The following TNNI3K variants were observed in gnomAD, a reference collection of about 807,000 sequenced individuals.
TNNI3K encodes TNNI3 interacting kinase.
In TNNI3K, 140 loss-of-function variants were observed where a neutral mutation model predicts 114.5. The ratio of observed to expected loss-of-function variants is 1.22; its 90% CI spans 1.07 to 1.41. The LOEUF (loss-of-function observed/expected upper bound fraction) is 1.41. Ranked by LOEUF, TNNI3K falls within the 40% of genes most tolerant of loss-of-function variation. TNNI3K has a pLI of 0.00. For synonymous variants in TNNI3K, 347 were observed against 347.5 expected (o/e 1.00, Z 0.02); for missense variants, 1,125 against 1,007.6 (o/e 1.12, Z -1.58).
chr1:74,311,325 TCTAG>T (rs1035817169), intron 5 of TNNI3K, among the ~76,000 whole-genome samples: 3 of 152,132 alleles, frequency 2.0e-5, no homozygotes, highest in Admixed American at 2.0e-4. Flanking sequence ...CTTGTAGGCT[TCTAG>T]CTGTCAAGAA....
intron 11 of TNNI3K, among the ~76,000 whole-genome samples, chr1:74,355,201 CAT>C (rs1661587343): frequency 6.6e-6 from 1 of 152,120 alleles, no homozygotes; most frequent in Non-Finnish European, 1.5e-5. Context: ...TGTAAAGAAA[CAT>C]AGTTATCTTT....
At chr1:74,309,887 A>G (rs1658883805) in intron 5 of TNNI3K, among the ~76,000 whole-genome samples, 2 of 152,174 alleles carry the variant, frequency 1.3e-5, no homozygotes, top group Admixed American at 1.3e-4. Flanking sequence ...CATTTTCCCC[A>G]AGAACTAGTA....
intron 17 of TNNI3K, among the ~76,000 whole-genome samples, chr1:74,409,366 T>G (rs947653335): frequency 1.3e-5 from 2 of 152,174 alleles, no homozygotes; most frequent in African/African-American, 4.8e-5. Flanking sequence ...CTTGCTACCT[T>G]TTTTTGAGGT....
chr1:74,489,710 T>G (rs1289184606), intron 22 of TNNI3K, among the ~76,000 whole-genome samples: 1 of 152,176 alleles, frequency 6.6e-6, no homozygotes, highest in Non-Finnish European at 1.5e-5. Context: ...TTGCTTAATG[T>G]GATATATGTT....
chr1:74,452,661 A>G (rs1479980428), intron 20 of TNNI3K, among the ~76,000 whole-genome samples: 1 of 152,164 alleles, frequency 6.6e-6, no homozygotes, highest in South Asian at 2.1e-4. Context: ...TAAAAATGCA[A>G]ATTTGAACAT....
At chr1:74,406,425 G>T (rs867046593) in intron 17 of TNNI3K, among the ~76,000 whole-genome samples, 29 of 152,184 alleles carry the variant, frequency 1.9e-4, no homozygotes, top group Middle Eastern at 3.4e-3. Context: ...CCAAAAAATT[G>T]GGCACCCCTG....
chr1:74,376,763 A>T (rs962879283), intron 17 of TNNI3K: 1 of 151,958 alleles, frequency 6.6e-6, no homozygotes, highest in Admixed American at 6.6e-5. Flanking sequence ...CCAGCAGAGC[A>T]TAGAGCCTAA....
chr1:74,401,918 T>C (rs749250584), intron 17 of TNNI3K: 3 of 452,894 alleles, frequency 6.6e-6, no homozygotes, highest in South Asian at 1.6e-5. Context: ...CAGGGAAGAA[T>C]GCAATTTCAG....
intron 4 of TNNI3K, among the ~76,000 whole-genome samples, chr1:74,263,990 T>C (rs1655822436): frequency 1.3e-5 from 2 of 151,834 alleles, no homozygotes; most frequent in Admixed American, 1.3e-4. Context: ...CTCTATATTA[T>C]TAAATGAGAG....
chr1:74,324,324 G>A (rs993868631), intron 5 of TNNI3K, among the ~76,000 whole-genome samples: 2 of 152,202 alleles, frequency 1.3e-5, no homozygotes, highest in Non-Finnish European at 2.9e-5. Context: ...ATGTCAGTCA[G>A]GTGAGATACA....
At chr1:74,397,639 A>G (rs375757056) in intron 17 of TNNI3K, among the ~76,000 whole-genome samples, 6 of 152,238 alleles carry the variant, frequency 3.9e-5, no homozygotes, top group East Asian at 3.8e-4. Flanking sequence ...GCATCAAACC[A>G]TAACTGTTTA....
In TNNI3K at chr1:74,417,136, C is replaced by T. The variant is rs116119905; in HGVS notation, c.1773-18944C>T. On this transcript the variant is annotated intron_variant, in intron 17 of 24. Transcript: ENST00000326637. ...AGAAAAGATGAAAGAGAGAGAAATG[C>T]GTAATAATGGCATTTTGATTATTCA... Among the ~76,000 whole-genome samples the T allele has an allele frequency of 8.5e-3, 1,294 of 152,032 alleles. 21 individuals carry two copies. Among genetic ancestry groups the T allele is most frequent in the African/African-American group, 0.03 (1,231 of 41,480 alleles).
intron 4 of TNNI3K, among the ~76,000 whole-genome samples, chr1:74,255,337 G>C (rs921548907): frequency 7.6e-5 from 10 of 131,272 alleles, no homozygotes; most frequent in African/African-American, 2.6e-4. Context: ...CTGGGCGACA[G>C]AGCGAGACTC....
intron 23 of TNNI3K, among the ~76,000 whole-genome samples, chr1:74,504,406 CTT>C (rs1669785143): frequency 6.6e-6 from 1 of 152,148 alleles, no homozygotes; most frequent in Admixed American, 6.5e-5. Flanking sequence ...GGCTTGGAGA[CTT>C]CACGCCGAAC....
At chr1:74,480,302 G>A (rs1189886424) in intron 21 of TNNI3K, 2 of 717,636 alleles carry the variant, frequency 2.8e-6, no homozygotes, top group Admixed American at 2.0e-5. Flanking sequence ...CACAGCTGCG[G>A]TAGATGGCTG....
At chr1:74,281,952 A>G (rs1053320418) in intron 5 of TNNI3K, among the ~76,000 whole-genome samples, 2 of 152,116 alleles carry the variant, frequency 1.3e-5, no homozygotes, top group Non-Finnish European at 2.9e-5. Context: ...TTTTCAGAAC[A>G]ATTATCATTT....
chr1:74,266,929 C>A (rs1300132293), intron 4 of TNNI3K, among the ~76,000 whole-genome samples: 2 of 151,876 alleles, frequency 1.3e-5, no homozygotes, highest in African/African-American at 4.8e-5. Flanking sequence ...TTTGTCTAAG[C>A]CTCATTCTTC....
At chr1:74,317,167 G>A (rs1659359925) in intron 5 of TNNI3K, among the ~76,000 whole-genome samples, 1 of 152,102 alleles carries the variant, frequency 6.6e-6, no homozygotes, top group Non-Finnish European at 1.5e-5. Flanking sequence ...GCATCTGCCT[G>A]CCACATAGGC....
At chr1:74,501,507 T>TG (rs1669630018) in intron 23 of TNNI3K, among the ~76,000 whole-genome samples, 1 of 149,512 alleles carries the variant, frequency 6.7e-6, no homozygotes, top group South Asian at 2.1e-4. Flanking sequence ...TTTGTTTGTT[T>TG]TTTGAGACTG....
Sources: gnomAD v4.1 joint callset for allele counts (sites outside exome capture counted in the v4.1 genomes callset) on GRCh38, gnomAD v4.1.1 for gene constraint, MANE v1.5 for transcripts, NCBI Gene and HGNC (gene_info 2026-07-23, HGNC 2026-07-21) for gene names.